The following TEX15 variants were observed in gnomAD, a reference collection of about 807,000 sequenced individuals.
TEX15 encodes the protein testis expressed 15, meiosis and synapsis associated, also known as testis-expressed protein 15.
Under a neutral mutation model 237.3 loss-of-function variants are expected in TEX15, and 171 were observed. That is an observed-to-expected ratio of 0.72 (90% confidence interval 0.64 to 0.82). The LOEUF is 0.82. TEX15 is among the 40% of genes least tolerant of loss of function. TEX15 has a pLI of 0.00. For missense variants in TEX15, 3,750 were observed against 3,646.5 expected (o/e 1.03, Z -0.73); for synonymous variants, 1,338 against 1,269.8 (o/e 1.05, Z -1.14).
chr8:30,843,008 A>AT lies in TEX15; in HGVS notation c.7158dup (p.Leu2387IlefsTer25). Reference sequence around the variant, plus strand: ...GTACATCTCAAGGTGAGATCCTGTAATTTTTTAAGGTCTGCAAATTCAGCC... The same window carrying AT: ...GTACATCTCAAGGTGAGATCCTGTAATTTTTTTAAGGTCTGCAAATTCAGCC... On this transcript the variant is annotated frameshift_variant, in exon 8 of 11. Coordinates refer to ENST00000643185, the MANE Select transcript of TEX15 (RefSeq NM_001350162.2). LOFTEE classifies it high-confidence loss of function. 9 of 1,613,430 alleles carry AT rather than the reference A, an allele frequency of 5.6e-6. No homozygotes were observed. The highest frequency in any genetic ancestry group is 2.2e-5 in the South Asian group (2 of 91,022).
In TEX15 at chr8:30,902,579, T is replaced by C. The variant is rs74348319; in HGVS notation, c.-85-3762A>G. 4.2e-3 allele frequency among the ~76,000 whole-genome samples: 641 copies of C among 152,292 alleles called. 5 individuals carry two copies. Among genetic ancestry groups the C allele is most frequent in the African/African-American group, 0.015 (608 of 41,558 alleles). ...AATTCCTGGTATACACATGCAGTAA[T>C]ATCCACATGGGCAATAAAATATTTA... On this transcript the variant is annotated intron_variant, in intron 1 of 10. Coordinates refer to ENST00000643185, the MANE Select transcript of TEX15 (RefSeq NM_001350162.2).
Position 30,836,899 on chromosome 8 carries a change from T to C in TEX15, c.9385A>G (p.Ile3129Val), listed in dbSNP as rs767473684. The change falls in exon 10 of 11, where the codon ATT becomes GTT. Residue 3129 changes from isoleucine to valine, a missense_variant. Coordinates refer to ENST00000643185, the MANE Select transcript of TEX15 (RefSeq NM_001350162.2). ...QIPASNFRQP[I>V]FSQYASHQPL... ...TGATGAGAAGCATATTGTGAAAAAA[T>C]TGGCTGCCGAAAATTAGAAGCAGGT... 2.5e-6 allele frequency: 4 copies of C among 1,614,072 alleles called. No individual in the cohort carries two copies. The highest frequency in any genetic ancestry group is 2.2e-5 in the East Asian group (1 of 44,878).
At chr8:30,864,334 T>C (rs925567609) in intron 5 of TEX15, among the ~76,000 whole-genome samples, 4 of 148,070 alleles carry the variant, frequency 2.7e-5, no homozygotes, top group African/African-American at 9.9e-5. Flanking sequence ...TGGGGCACCA[T>C]CAAGCGTAAG....
chr8:30,907,443 C>CAAAATGTATATATAAATTATATACAA (rs1253042994), intron 1 of TEX15, among the ~76,000 whole-genome samples: 2 of 120,594 alleles, frequency 1.7e-5, no homozygotes, highest in African/African-American at 6.7e-5. Flanking sequence ...TTTATATATA[C>CAAAATGTATATATAAATTATATACAA]AATGTATATA....
chr8:30,852,282 TTTTTA>T lies in TEX15; in HGVS notation c.851-2971_851-2967del, dbSNP rs556842011. On this transcript the variant is annotated intron_variant, in intron 7 of 10. Transcript: ENST00000643185. ...CACCACGCCTGGCTAATTTTTTGTATTTTTAGTAGAGACAGGGTTTCACCGTGGTC... is the reference window on the plus strand; with the variant it reads ...CACCACGCCTGGCTAATTTTTTGTATGTAGAGACAGGGTTTCACCGTGGTC... Among the ~76,000 whole-genome samples, 102 of 151,882 alleles carry T rather than the reference TTTTTA, an allele frequency of 6.7e-4. 1 individual carries two copies. The highest frequency in any genetic ancestry group is 3.4e-3 in the Middle Eastern group (1 of 294).
intron 1 of TEX15, among the ~76,000 whole-genome samples, chr8:30,907,048 T>C (rs1809117572): frequency 1.3e-5 from 2 of 152,228 alleles, no homozygotes; most frequent in Non-Finnish European, 2.9e-5. Context: ...TTCGTAAGAA[T>C]ACCATTCTAA....
intron 1 of TEX15, among the ~76,000 whole-genome samples, chr8:30,901,694 G>C (rs1441083115): frequency 1.3e-5 from 2 of 152,210 alleles, no homozygotes; most frequent in Non-Finnish European, 2.9e-5. Context: ...GAAGTAATCA[G>C]TGTGGTAAGA....
At chr8:30,888,667 C>A in intron 2 of TEX15, 3 of 1,288,590 alleles carry the variant, frequency 2.3e-6, no homozygotes, top group Non-Finnish European at 3.0e-6. Flanking sequence ...GCCCTCCTGA[C>A]ACCTATCAAC....
At chr8:30,872,657 G>A (rs1808315680) in intron 4 of TEX15, among the ~76,000 whole-genome samples, 1 of 151,960 alleles carries the variant, frequency 6.6e-6, no homozygotes, top group Admixed American at 6.6e-5. Flanking sequence ...TGTGGAGGTG[G>A]AAGTCAATGA....
rs542590200 is a variant in TEX15 at position 30,843,222 on chromosome 8, A to G, written c.6945T>C (p.Tyr2315=). 5 of 1,613,380 alleles carry G rather than the reference A, an allele frequency of 3.1e-6. No individual in the cohort carries two copies. Among genetic ancestry groups the G allele is most frequent in the Non-Finnish European group, 3.4e-6 (4 of 1,179,682 alleles). Residue 2315 remains tyrosine, a synonymous_variant, in exon 8 of 11, where the codon TAT becomes TAC. Coordinates refer to ENST00000643185, the MANE Select transcript of TEX15 (RefSeq NM_001350162.2). ...KCAFSKLQKI[Y]DTLSKDLNNE... ...TGTTTAAATCTTTAGACAAAGTATC[A>G]TATATCTTCTGCAACTTAGAAAAGG...
rs1186104693 is a variant in TEX15, at chr8:30,910,147, G to A, written c.-86+2732C>T. On this transcript the variant is annotated intron_variant, in intron 1 of 10. Coordinates refer to ENST00000643185, the MANE Select transcript of TEX15 (RefSeq NM_001350162.2). The stretch of plus-strand genomic sequence containing the variant: ...TAACTTGAAGAAATTTTGTAATCCA[G>A]TACAGTATATCATCCTTCGGTACAA... Among the ~76,000 whole-genome samples, 8 of 150,878 alleles carry A rather than the reference G, an allele frequency of 5.3e-5. No homozygotes were observed. In the East Asian group the frequency reaches 1.4e-3, roughly 26 times the overall value.
Position 30,887,293 on chromosome 8 carries a change from T to C in TEX15, c.10A>G (p.Lys4Glu). Residue 4 changes from lysine to glutamate, a missense_variant, in exon 3 of 11, where the codon AAA becomes GAA. Physicochemically the swap from Lys to Glu is moderately conservative, Grantham distance 56. Coordinates refer to ENST00000643185, the MANE Select transcript of TEX15 (RefSeq NM_001350162.2). ...AGTGTATCCTGTTTAGCAGTTTCTTTCATTTCCATTTTGTTGGCCTAAAAT... is the reference window on the plus strand; with the variant it reads ...AGTGTATCCTGTTTAGCAGTTTCTTCCATTTCCATTTTGTTGGCCTAAAAT... MEM[K>E]ETAKQDTLWQ... The C allele has an allele frequency of 6.5e-7, 1 of 1,530,404 alleles. No individual in the cohort carries two copies. The highest frequency in any genetic ancestry group is 8.7e-7 in the Non-Finnish European group (1 of 1,145,238). 94.8% of individuals were successfully genotyped at this position (1,530,404 alleles called of 1,614,324 possible).
At position 30,844,925 on chromosome 8, in the gene TEX15, A is replaced by T. The variant is rs1807559476; in HGVS notation, c.5242T>A (p.Phe1748Ile). 1 of 1,613,364 alleles carries T rather than the reference A, an allele frequency of 6.2e-7. No individual in the cohort carries two copies. The highest frequency in any genetic ancestry group is 1.3e-5 in the African/African-American group (1 of 74,886). ...DKQRILTVDS[F>I]AASSTVPHCE... ...TGTGGTACAGTACTGGATGCTGCAA[A>T]AGAATCTACAGTAAGAATTCTCTGC... The change falls in exon 8 of 11, where the codon TTT (phenylalanine) becomes ATT (isoleucine). Residue 1748 changes from phenylalanine to isoleucine, a missense_variant. Transcript: ENST00000643185.
At chr8:30,909,611 TC>T (rs1462574017) in intron 1 of TEX15, among the ~76,000 whole-genome samples, 1 of 152,210 alleles carries the variant, frequency 6.6e-6, no homozygotes, top group African/African-American at 2.4e-5. Flanking sequence ...GCTTAGTTTG[TC>T]ATGTGAGTTT....
chr8:30,841,883 C>T (rs1348471364), intron 8 of TEX15, 121 bp downstream of exon 8: 4 of 606,236 alleles, frequency 6.6e-6, no homozygotes, highest in Non-Finnish European at 1.1e-5. Flanking sequence ...TTAGTAAATT[C>T]ATTTTGCCAG....
chr8:30,845,091 T>C lies in TEX15; in HGVS notation c.5076A>G (p.Lys1692=). 6.2e-7 allele frequency: 1 copy of C among 1,613,560 alleles called. No individual in the cohort carries two copies. Among genetic ancestry groups the C allele is most frequent in the Non-Finnish European group, 8.5e-7 (1 of 1,179,538 alleles). The change falls in exon 8 of 11, where the codon AAA becomes AAG. Residue 1692 remains lysine, a synonymous_variant. Coordinates refer to ENST00000643185, the MANE Select transcript of TEX15 (RefSeq NM_001350162.2). ...GGAAGTTTCCTGTAATAATGTTTTG[T>C]TTGGGTCTCTCAATAGGATCTGTCC... ...VKWTDPIERP[K]QNIITGNFLM... is the part of the protein sequence containing the mutation.
Position 30,832,118 on chromosome 8 carries a change from T to C in TEX15, c.*1168A>G, listed in dbSNP as rs150340364. On this transcript the variant is annotated 3_prime_UTR_variant, in exon 11 of 11. Coordinates refer to ENST00000643185, the MANE Select transcript of TEX15 (RefSeq NM_001350162.2). Reference sequence around the variant, plus strand: ...GTTTAAGTGAGTATAAAGAGGCTTATCCTGGGGATTCTCACTGTCTTTCTA... The same window carrying C: ...GTTTAAGTGAGTATAAAGAGGCTTACCCTGGGGATTCTCACTGTCTTTCTA... 1 of 152,366 alleles carries C rather than the reference T, an allele frequency of 6.6e-6. No homozygotes were observed. The highest frequency in any genetic ancestry group is 6.5e-5 in the Admixed American group (1 of 15,306). The allele number at this position is 152,366 out of a possible 1,614,324, so 9.4% of individuals were successfully genotyped here.
intron 8 of TEX15, among the ~76,000 whole-genome samples, chr8:30,841,078 T>G (rs1176215477): frequency 2.0e-5 from 3 of 152,132 alleles, no homozygotes; most frequent in Non-Finnish European, 4.4e-5. Flanking sequence ...TCACCATGTC[T>G]GGCTAATTTT....
In TEX15 at chr8:30,887,186, G is replaced by A. The variant is rs554293399; in HGVS notation, c.117C>T (p.Ile39=). ...NPLKKFTIPK[I]RRTAEKVYLS... ...TATTACCTTTCTCAGCTGTCCTCCT[G>A]ATCTTAGGAATGGTGAATTTCTTCA... The change falls in exon 3 of 11, where the codon ATC becomes ATT. Residue 39 remains isoleucine (I), a synonymous_variant. Transcript: ENST00000643185. 13 of 1,534,524 alleles carry A rather than the reference G, an allele frequency of 8.5e-6. No homozygotes were observed. Among genetic ancestry groups the A allele is most frequent in the Non-Finnish European group, 1.0e-5 (12 of 1,146,438 alleles).
Sources: gnomAD v4.1 joint callset for allele counts (sites outside exome capture counted in the v4.1 genomes callset) on GRCh38, gnomAD v4.1.1 for gene constraint, MANE v1.5 for transcripts, NCBI Gene and HGNC (gene_info 2026-07-23, HGNC 2026-07-21) for gene names.